LYPD6B: variants seen among roughly 807,000 people sequenced by gnomAD.
The protein encoded by LYPD6B is LY6/PLAUR domain containing 6B, also known as ly6/PLAUR domain-containing protein 6B.
In LYPD6B, 17 loss-of-function variants were observed where a neutral mutation model predicts 22.8. That is an observed-to-expected ratio of 0.75 (90% CI 0.51 to 1.12). The LOEUF (loss-of-function observed/expected upper bound fraction) is 1.12, where lower values mean the gene tolerates loss of function less well. LYPD6B is among the 50% of genes most tolerant of loss of function. The pLI, the probability that LYPD6B is intolerant of heterozygous loss-of-function variation, is 0.00. For synonymous variants in LYPD6B, 106 were observed against 91.6 expected (o/e 1.16, Z -0.90); for missense variants, 221 against 258.3 (o/e 0.86, Z 0.99).
intron 3 of LYPD6B, among the ~76,000 whole-genome samples, chr2:149,165,091 A>T (rs1559045025): frequency 6.6e-6 from 1 of 152,112 alleles, no homozygotes; most frequent in Non-Finnish European, 1.5e-5. Flanking sequence ...TAGGTGATCT[A>T]GGGGATCTCA....
At chr2:149,046,895 C>T (rs1388149012) in intron 1 of LYPD6B, among the ~76,000 whole-genome samples, 2 of 152,116 alleles carry the variant, frequency 1.3e-5, no homozygotes, top group East Asian at 1.9e-4. Context: ...TGTAAAAAAG[C>T]CAGAAAGTAA....
chr2:149,168,964 A>T (rs1299261029), intron 3 of LYPD6B, among the ~76,000 whole-genome samples: 1 of 152,154 alleles, frequency 6.6e-6, no homozygotes, highest in Non-Finnish European at 1.5e-5. Context: ...AATTATGTAG[A>T]CAGTTACTTG....
At chr2:149,158,886 C>G (rs1044229267) in intron 2 of LYPD6B, among the ~76,000 whole-genome samples, 1 of 152,182 alleles carries the variant, frequency 6.6e-6, no homozygotes, top group African/African-American at 2.4e-5. Flanking sequence ...CTACTCCAGG[C>G]TGTTGCCAGG....
chr2:149,187,561 A>G lies in LYPD6B; in HGVS notation c.78-17692A>G, dbSNP rs1285347705. The G allele has an allele frequency of 1.1e-5, 16 of 1,434,118 alleles. No homozygotes were observed. The South Asian group carries it at 2.3e-4, about 21-fold the overall frequency. The allele number at this position is 1,434,118 out of a possible 1,614,324, so 88.8% of individuals were successfully genotyped here. A position where few individuals can be genotyped will look rare whatever the true frequency, so the allele number is the denominator to read the frequency against. ...GGATCTCAGGCAACGTCAATGAACA[A>G]CATGAAGCCTGACACATTGTAGGTG... On this transcript the variant is annotated intron_variant, in intron 3 of 6. Transcript: ENST00000409642.
chr2:149,157,410 T>C (rs1689778717), intron 2 of LYPD6B, among the ~76,000 whole-genome samples: 1 of 152,204 alleles, frequency 6.6e-6, no homozygotes. Flanking sequence ...CCCAACTAAC[T>C]GAACACAAAA....
intron 3 of LYPD6B, among the ~76,000 whole-genome samples, chr2:149,197,367 C>T (rs1692875492): frequency 6.6e-6 from 1 of 152,186 alleles, no homozygotes; most frequent in South Asian, 2.1e-4. Flanking sequence ...CAAAAATTAG[C>T]TGAGCGTGGT....
chr2:149,102,082 T>G (rs1430201059), intron 1 of LYPD6B, among the ~76,000 whole-genome samples: 3 of 152,260 alleles, frequency 2.0e-5, no homozygotes, highest in Non-Finnish European at 4.4e-5. Context: ...TACTCACAGC[T>G]TTAATGTTCA....
At chr2:149,146,672 T>C (rs1185773186) in intron 2 of LYPD6B, among the ~76,000 whole-genome samples, 4 of 152,084 alleles carry the variant, frequency 2.6e-5, no homozygotes, top group African/African-American at 4.8e-5. Context: ...TAGACAGTCT[T>C]GGCCGAACTA....
At chr2:149,207,396 C>G (rs1341109295) in intron 4 of LYPD6B, among the ~76,000 whole-genome samples, 1 of 152,164 alleles carries the variant, frequency 6.6e-6, no homozygotes, top group Non-Finnish European at 1.5e-5. Context: ...GAAACAGTGT[C>G]TTTGTCTTAG....
chr2:149,068,533 A>G (rs1684446421), intron 1 of LYPD6B: 1 of 283,990 alleles, frequency 3.5e-6, no homozygotes, highest in Non-Finnish European at 7.4e-6. Flanking sequence ...ACTTTTTATA[A>G]ATAAAAAATT....
intron 2 of LYPD6B, among the ~76,000 whole-genome samples, chr2:149,158,032 A>T (rs1023622885): frequency 6.6e-5 from 10 of 152,164 alleles, no homozygotes; most frequent in Non-Finnish European, 4.4e-5. Context: ...TTAAATATGA[A>T]GAACATTAAT....
chr2:149,050,132 G>A (rs1032776544), intron 1 of LYPD6B, among the ~76,000 whole-genome samples: 2 of 152,104 alleles, frequency 1.3e-5, no homozygotes, highest in Non-Finnish European at 2.9e-5. Flanking sequence ...TCTATTTCTT[G>A]TCATGGTGAG....
chr2:149,058,780 C>T (rs1683925830), intron 1 of LYPD6B, among the ~76,000 whole-genome samples: 1 of 152,288 alleles, frequency 6.6e-6, no homozygotes, highest in East Asian at 1.9e-4. Context: ...CCACGACGCC[C>T]AGCTAATTTT....
rs1694071787 is a variant in LYPD6B at position 149,214,497 on chromosome 2, T to G, written c.460-49T>G. 6 of 1,576,758 alleles carry G rather than the reference T, an allele frequency of 3.8e-6. No individual in the cohort carries two copies. In the African/African-American group the frequency reaches 6.7e-5, roughly 18 times the overall value. On this transcript the variant is annotated intron_variant, in intron 6 of 6. Transcript: ENST00000409642. ...TTTTATCTTTCTTTCTTTTGCCCCT[T>G]CCCTCTTCTATTATTCACTGTCATT... is the stretch of plus-strand genomic sequence containing the variant.
intron 1 of LYPD6B, among the ~76,000 whole-genome samples, chr2:149,078,719 C>A (rs1021923857): frequency 6.6e-6 from 1 of 152,178 alleles, no homozygotes; most frequent in Non-Finnish European, 1.5e-5. Context: ...AAAAGACCAA[C>A]CTATACAGCC....
intron 2 of LYPD6B, among the ~76,000 whole-genome samples, chr2:149,145,724 C>T (rs548113730): frequency 6.6e-6 from 1 of 152,266 alleles, no homozygotes; most frequent in African/African-American, 2.4e-5. Context: ...CATCCTCCAC[C>T]CCTCAGAGAC....
intron 3 of LYPD6B, among the ~76,000 whole-genome samples, chr2:149,162,390 C>T (rs1239206599): frequency 6.6e-6 from 1 of 152,084 alleles, no homozygotes; most frequent in African/African-American, 2.4e-5. Flanking sequence ...GTAAGTTGCC[C>T]AAAGTTAGAC....
At chr2:149,156,075 G>A (rs971101186) in intron 2 of LYPD6B, among the ~76,000 whole-genome samples, 3 of 152,190 alleles carry the variant, frequency 2.0e-5, no homozygotes, top group African/African-American at 2.4e-5. Context: ...TGGGTGTCAA[G>A]TAAGAGAAAT....
At chr2:149,090,712 G>T (rs1685611771) in intron 1 of LYPD6B, among the ~76,000 whole-genome samples, 2 of 152,008 alleles carry the variant, frequency 1.3e-5, no homozygotes, top group South Asian at 4.1e-4. Context: ...CAAAGATATT[G>T]GTTACATTAA....
Sources: allele counts gnomAD v4.1 joint callset (sites outside exome capture counted in the v4.1 genomes callset), GRCh38; gene constraint gnomAD v4.1.1; transcripts MANE v1.5; gene names NCBI Gene and HGNC (gene_info 2026-07-23, HGNC 2026-07-21).